Variants in HECW2 observed in about 807,000 individuals in gnomAD.
HECW2 encodes the protein HECT, C2 and WW domain containing E3 ubiquitin protein ligase 2.
A neutral mutation model predicts 175.2 loss-of-function variants in HECW2; 61 were observed. The ratio of observed to expected loss-of-function variants is 0.35; its 90% CI spans 0.28 to 0.43. The LOEUF is 0.43. Among genes scored for constraint, HECW2 ranks in the 20% least tolerant of loss-of-function variants. The pLI is 1.00. For synonymous variants in HECW2, 671 were observed against 731.0 expected (o/e 0.92, Z 1.32); for missense variants, 1,524 against 2,000.5 (o/e 0.76, Z 4.54).
At chr2:196,406,218 A>G (rs1193856102) in intron 2 of HECW2, among the ~76,000 whole-genome samples, 1 of 152,162 alleles carries the variant, frequency 6.6e-6, no homozygotes, top group Non-Finnish European at 1.5e-5. Flanking sequence ...CTGATAGGCA[A>G]GTCAAATTTC....
intron 1 of HECW2, among the ~76,000 whole-genome samples, chr2:196,525,215 C>T (rs1688593003): frequency 1.4e-5 from 2 of 145,752 alleles, no homozygotes; most frequent in South Asian, 4.6e-4. Context: ...TGAATTGATC[C>T]CTTTACCATT....
chr2:196,589,381 C>A (rs1691100898), intron 1 of HECW2, among the ~76,000 whole-genome samples: 1 of 152,202 alleles, frequency 6.6e-6, no homozygotes, highest in African/African-American at 2.4e-5. Context: ...ATAGCAACTA[C>A]TGCAGAAGCA....
intron 2 of HECW2, among the ~76,000 whole-genome samples, chr2:196,373,559 C>T (rs983574334): frequency 6.6e-6 from 1 of 152,180 alleles, no homozygotes; most frequent in Non-Finnish European, 1.5e-5. Context: ...CCATCATAAA[C>T]TGCTGTCATC....
intron 13 of HECW2, among the ~76,000 whole-genome samples, chr2:196,296,807 A>C (rs933610689): frequency 1.3e-5 from 2 of 152,242 alleles, no homozygotes; most frequent in Non-Finnish European, 2.9e-5. Flanking sequence ...GAGCAGTCCA[A>C]AGAGCCAAAA....
At chr2:196,404,375 T>C (rs116330992) in intron 2 of HECW2, among the ~76,000 whole-genome samples, 3 of 152,330 alleles carry the variant, frequency 2.0e-5, no homozygotes, top group African/African-American at 7.2e-5. Flanking sequence ...AGTCTCTTCC[T>C]AGACCTTCTA....
chr2:196,527,053 A>T (rs1038085936), intron 1 of HECW2, among the ~76,000 whole-genome samples: 9 of 152,170 alleles, frequency 5.9e-5, no homozygotes, highest in African/African-American at 1.7e-4. Context: ...AAGCCTGGGC[A>T]ATGGCGGGCG....
Position 196,252,966 on chromosome 2 carries a change from C to A in HECW2, c.3529+954G>T, listed in dbSNP as rs373157701. ...CACAGAGTTATTTGTTGACTCACTG[C>A]CACACCATGAATTCTTCAAAGGAAG... On this transcript the variant is annotated intron_variant, in intron 19 of 28. Transcript: ENST00000644978. Among the ~76,000 whole-genome samples, 6 of 152,284 alleles carry A rather than the reference C, an allele frequency of 3.9e-5. No homozygotes were observed. In the East Asian group the frequency reaches 1.2e-3, roughly 29 times the overall value.
At chr2:196,572,720 G>A (rs553409238) in intron 1 of HECW2, among the ~76,000 whole-genome samples, 1 of 152,234 alleles carries the variant, frequency 6.6e-6, no homozygotes, top group East Asian at 1.9e-4. Flanking sequence ...CAAGGGTAGA[G>A]CCTTCATGAC....
chr2:196,473,987 C>A (rs575648642), intron 1 of HECW2, among the ~76,000 whole-genome samples: 2 of 152,192 alleles, frequency 1.3e-5, no homozygotes, highest in African/African-American at 4.8e-5. Context: ...CTAGAACCAA[C>A]TTCAGGAGGC....
At chr2:196,501,246 G>A (rs1687568650) in intron 1 of HECW2, among the ~76,000 whole-genome samples, 1 of 152,094 alleles carries the variant, frequency 6.6e-6, no homozygotes, top group South Asian at 2.1e-4. Context: ...ATATTAAAGA[G>A]ACAGTTGGAA....
chr2:196,414,094 T>C (rs984878364), intron 2 of HECW2, among the ~76,000 whole-genome samples: 1 of 152,252 alleles, frequency 6.6e-6, no homozygotes, highest in Non-Finnish European at 1.5e-5. Flanking sequence ...TTCTCTTCTT[T>C]GCTGCTTTTG....
chr2:196,273,438 C>T (rs13406020), intron 16 of HECW2, among the ~76,000 whole-genome samples: 40,996 of 152,034 alleles, frequency 0.27, 5,898 homozygotes, highest in African/African-American at 0.38. Flanking sequence ...CCACCTGCCT[C>T]AGGCGCTCCA....
intron 2 of HECW2, among the ~76,000 whole-genome samples, chr2:196,409,862 C>A (rs533831790): frequency 1.3e-5 from 2 of 152,288 alleles, no homozygotes; most frequent in Admixed American, 6.5e-5. Flanking sequence ...AGCCACCATC[C>A]TGAATCCCTT....
chr2:196,240,682 T>A, intron 20 of HECW2, 120 bp from the exon 21 acceptor site: 1 of 979,404 alleles, frequency 1.0e-6, no homozygotes, highest in South Asian at 2.2e-5. Flanking sequence ...GAATGTTACT[T>A]AATATCATTG....
chr2:196,416,196 T>G (rs1290821319), intron 2 of HECW2, among the ~76,000 whole-genome samples: 1 of 152,194 alleles, frequency 6.6e-6, no homozygotes, highest in Non-Finnish European at 1.5e-5. Context: ...AGTTTTAAAT[T>G]TTGTGGCAAA....
At chr2:196,453,703 T>A (rs1166622059) in intron 1 of HECW2, among the ~76,000 whole-genome samples, 1 of 152,106 alleles carries the variant, frequency 6.6e-6, no homozygotes, top group Non-Finnish European at 1.5e-5. Flanking sequence ...AAAAGTCATG[T>A]TTTCATCAGG....
chr2:196,583,773 G>C (rs1355963836), intron 1 of HECW2, among the ~76,000 whole-genome samples: 1 of 152,150 alleles, frequency 6.6e-6, no homozygotes, highest in Admixed American at 6.5e-5. Context: ...TAGCCATTAG[G>C]CATTGGTTAT....
chr2:196,574,015 CA>C (rs140871287), intron 1 of HECW2, among the ~76,000 whole-genome samples: 7,233 of 150,370 alleles, frequency 0.048, 568 homozygotes, highest in African/African-American at 0.17. Flanking sequence ...ATCCCCATTT[CA>C]AAAAAAAAGT....
At chr2:196,490,939 G>T (rs567005755) in intron 1 of HECW2, among the ~76,000 whole-genome samples, 1 of 152,174 alleles carries the variant, frequency 6.6e-6, no homozygotes, top group Admixed American at 6.5e-5. Context: ...ATTCGTAGTT[G>T]TTTGGGACTG....
Sources: allele counts gnomAD v4.1 joint callset (sites outside exome capture counted in the v4.1 genomes callset), GRCh38; gene constraint gnomAD v4.1.1; transcripts MANE v1.5; gene names NCBI Gene and HGNC (gene_info 2026-07-23, HGNC 2026-07-21).